The following FANCM variants were observed in gnomAD, a reference collection of about 807,000 sequenced individuals.
FANCM encodes Fanconi anemia group M protein.
FANCM carries 140 observed loss-of-function variants against 199.5 expected under a neutral mutation model. The observed-to-expected ratio is 0.70, with a 90% CI of 0.61 to 0.81. FANCM has a LOEUF of 0.81. FANCM is among the 30% of genes least tolerant of loss of function. The probability of loss-of-function intolerance (pLI) is 0.00; values close to 1 mark genes in which losing one functional copy is unlikely to be tolerated. For missense variants in FANCM, 2,410 were observed against 2,421.4 expected, an observed-to-expected ratio of 1.00 and a Z score of 0.10; for synonymous variants, 840 against 836.8, an observed-to-expected ratio of 1.00 and a Z score of -0.07.
chr14:45,166,230 C>T (rs1473157601), intron 10 of FANCM, among the ~76,000 whole-genome samples: 1 of 151,812 alleles, frequency 6.6e-6, no homozygotes, highest in Non-Finnish European at 1.5e-5. Context: ...CTCCTGAGTT[C>T]AAGCGATTCT....
intron 3 of FANCM, among the ~76,000 whole-genome samples, chr14:45,142,606 G>A (rs192083865): frequency 1.3e-4 from 20 of 151,906 alleles, no homozygotes; most frequent in Admixed American, 3.3e-4. Flanking sequence ...GTGCCCGGCC[G>A]CTTCCTCTTT....
intron 3 of FANCM, among the ~76,000 whole-genome samples, chr14:45,143,792 C>T (rs1039330711): frequency 6.7e-6 from 1 of 148,746 alleles, no homozygotes; most frequent in Admixed American, 6.8e-5. Flanking sequence ...CTCCCGGGTT[C>T]AAGCCATTCT....
chr14:45,185,997 C>T (rs757774115), intron 18 of FANCM, among the ~76,000 whole-genome samples: 7 of 152,118 alleles, frequency 4.6e-5, no homozygotes, highest in African/African-American at 7.2e-5. Flanking sequence ...CTCCTAGGCT[C>T]GGGAGATTCT....
chr14:45,199,799 C>A, intron 22 of FANCM, 71 bp from the exon 23 acceptor site: 5 of 1,340,084 alleles, frequency 3.7e-6, no homozygotes, highest in South Asian at 1.2e-5. Context: ...GTTTGGTGTT[C>A]TTTAGGTAAT....
intron 9 of FANCM, among the ~76,000 whole-genome samples, chr14:45,162,964 C>G (rs900982793): frequency 6.6e-6 from 1 of 151,800 alleles, no homozygotes; most frequent in African/African-American, 2.4e-5. Flanking sequence ...ATGAATTACT[C>G]TTAATGTTTA....
At chr14:45,138,691 A>T (rs1359186995) in intron 2 of FANCM, among the ~76,000 whole-genome samples, 1 of 152,176 alleles carries the variant, frequency 6.6e-6, no homozygotes, top group Non-Finnish European at 1.5e-5. Flanking sequence ...GCTGGTAATT[A>T]TTTTATTTTC....
At chr14:45,167,220 C>T (rs1405389545) in intron 11 of FANCM, 57 bp downstream of exon 11, 9 of 951,998 alleles carry the variant, frequency 9.5e-6, no homozygotes, top group African/African-American at 4.8e-5. Context: ...CTTAGCAGGT[C>T]GTATCTTGAT....
At chr14:45,166,605 C>T (rs1887992712) in intron 10 of FANCM, among the ~76,000 whole-genome samples, 1 of 151,850 alleles carries the variant, frequency 6.6e-6, no homozygotes, top group South Asian at 2.1e-4. Context: ...CACAGGGAGA[C>T]CCCATCTCTA....
At position 45,175,180 on chromosome 14, in the gene FANCM, T is replaced by G. The variant is rs565347397; in HGVS notation, c.2426T>G (p.Phe809Cys). 20 of 1,607,652 alleles carry G rather than the reference T, an allele frequency of 1.2e-5. 1 individual carries two copies. Among genetic ancestry groups the G allele is most frequent in the African/African-American group, 1.2e-4 (9 of 74,894 alleles). ...NESNNLASDT[F>C]ITHKKSSFIK... Reference sequence around the variant, plus strand: ...TCTAATAATCTTGCCAGTGACACCTTTATCACTCACAAGAAATCGTCATTT... The same window carrying G: ...TCTAATAATCTTGCCAGTGACACCTGTATCACTCACAAGAAATCGTCATTT... The change falls in exon 14 of 23, where the codon TTT becomes TGT. Residue 809 changes from phenylalanine (F) to cysteine (C), a missense_variant. Physicochemically the swap from Phe to Cys is radical, Grantham distance 205. Transcript: ENST00000267430.
chr14:45,138,620 T>C (rs958895629), intron 2 of FANCM, among the ~76,000 whole-genome samples: 4 of 152,148 alleles, frequency 2.6e-5, no homozygotes, highest in African/African-American at 9.7e-5. Context: ...TGAAATGAAA[T>C]AATAAAACAC....
intron 4 of FANCM, among the ~76,000 whole-genome samples, chr14:45,150,851 A>G (rs1364474799): frequency 6.6e-6 from 1 of 152,232 alleles, no homozygotes; most frequent in Non-Finnish European, 1.5e-5. Flanking sequence ...GAGCAGTGAC[A>G]AATAAAGTCT....
intron 19 of FANCM, among the ~76,000 whole-genome samples, chr14:45,188,122 G>A (rs994649796): frequency 3.3e-5 from 5 of 152,060 alleles, no homozygotes; most frequent in Admixed American, 1.3e-4. Context: ...GTAGATCACC[G>A]GAGGTCAGGA....
chr14:45,198,553 G>A, intron 21 of FANCM, 91 bp from the exon 22 acceptor site: 2 of 847,904 alleles, frequency 2.4e-6, no homozygotes, highest in Non-Finnish European at 3.6e-6. Context: ...CAATGGTGTA[G>A]ATCTTGGGAT....
chr14:45,139,777 G>C (rs1885778495), intron 2 of FANCM, among the ~76,000 whole-genome samples: 1 of 152,154 alleles, frequency 6.6e-6, no homozygotes, highest in South Asian at 2.1e-4. Context: ...AGGAGTTCAA[G>C]ACTGGCCTGG....
chr14:45,177,047 T>G (rs1394293308), intron 14 of FANCM, 71 bp downstream of exon 14: 1 of 1,018,160 alleles, frequency 9.8e-7, no homozygotes, highest in Admixed American at 2.0e-5. Context: ...TTGGTAATTT[T>G]TCCAAATGTA....
At chr14:45,148,234 C>CACACACACACACAA (rs1234378997) in intron 3 of FANCM, among the ~76,000 whole-genome samples, 1 of 150,188 alleles carries the variant, frequency 6.7e-6, no homozygotes, top group African/African-American at 2.5e-5. Context: ...CACACACACA[C>CACACACACACACAA]AAAACAACTT....
rs375732305 is a variant in FANCM at position 45,196,153 on chromosome 14, G to C, written c.5341-19G>C. The C allele has an allele frequency of 6.2e-7, 1 of 1,614,006 alleles. No homozygotes were observed. Among genetic ancestry groups the C allele is most frequent in the Non-Finnish European group, 8.5e-7 (1 of 1,179,880 alleles). ...TATGCATTTAACCTGAATGTGACCA[G>C]TGTTTTCCACTTTTTCAGGATGGTA... On this transcript the variant is annotated intron_variant, in intron 20 of 22. Transcript: ENST00000267430.
rs1460381445 is a variant in FANCM, at chr14:45,200,082, ATGTT to A, written c.*76_*79del. On this transcript the variant is annotated 3_prime_UTR_variant, in exon 23 of 23. Coordinates refer to ENST00000267430, the MANE Select transcript of FANCM (RefSeq NM_020937.4). ...GCACTTCAATAATCATTGCTGTTTT[ATGTT>A]TATTTGTAAATAAGAGAATATTTTA... 1 of 900,710 alleles carries A rather than the reference ATGTT, an allele frequency of 1.1e-6. No individual in the cohort carries two copies. Among genetic ancestry groups the A allele is most frequent in the Non-Finnish European group, 1.7e-6 (1 of 587,286 alleles). The allele number at this position is 900,710 out of a possible 1,614,324, so 55.8% of individuals were successfully genotyped here.
At position 45,198,948 on chromosome 14, in the gene FANCM, T is replaced by G; in HGVS notation, c.6008+13T>G. 1 of 1,581,660 alleles carries G rather than the reference T, an allele frequency of 6.3e-7. No individual in the cohort carries two copies. Among genetic ancestry groups the G allele is most frequent in the Non-Finnish European group, 8.7e-7 (1 of 1,153,524 alleles). On this transcript the variant is annotated intron_variant, in intron 22 of 22. Transcript: ENST00000267430. ...GGATGGCTAACAGGTATGTCTGTTG[T>G]AATATTTTTAAATGATTACTTTTAA...
Sources: gnomAD v4.1 joint callset for allele counts (sites outside exome capture counted in the v4.1 genomes callset) on GRCh38, gnomAD v4.1.1 for gene constraint, MANE v1.5 for transcripts, NCBI Gene and HGNC (gene_info 2026-07-23, HGNC 2026-07-21) for gene names.